The following DENND3 variants were observed in gnomAD, a reference collection of about 807,000 sequenced individuals.
DENND3 encodes the protein DENN domain containing 3.
DENND3 carries 88 observed loss-of-function variants against 135.1 expected under a neutral mutation model. The ratio of observed to expected loss-of-function variants is 0.65; its 90% CI spans 0.55 to 0.78. DENND3 has a LOEUF of 0.78. Among genes scored for constraint, DENND3 ranks in the 30% least tolerant of loss-of-function variants. The pLI, the probability that DENND3 is intolerant of heterozygous loss-of-function variation, is 0.00. For missense variants in DENND3, 1,392 were observed against 1,688.4 expected, an observed-to-expected ratio of 0.82 and a Z score of 3.08; for synonymous variants, 693 against 712.3, an observed-to-expected ratio of 0.97 and a Z score of 0.43.
intron 17 of DENND3, 162 bp from the exon 18 acceptor site, chr8:141,184,977 G>A (rs1390534366): frequency 1.2e-6 from 1 of 849,926 alleles, no homozygotes; most frequent in East Asian, 2.6e-5. Context: ...AGCTCCCAGA[G>A]GGCAGGGAAG....
chr8:141,137,622 G>A lies in DENND3; in HGVS notation c.386-400G>A, dbSNP rs73362424. Among the ~76,000 whole-genome samples, 2,821 of 152,288 alleles carry A rather than the reference G, an allele frequency of 0.019. 82 individuals carry two copies. The highest frequency in any genetic ancestry group is 0.064 in the African/African-American group (2,659 of 41,542). On this transcript the variant is annotated intron_variant, in intron 2 of 22. Coordinates refer to ENST00000519811, the MANE Select transcript of DENND3 (RefSeq NM_001352890.3). The surrounding 1 kb of genome is among the most constrained non-coding windows in gnomAD (Gnocchi z 4.1). ...TTAACAGGTGAGCTTGCATTTTGGG[G>A]CGTTATTTTTCCTGTGGTCTTCAGG...
Position 141,168,443 on chromosome 8 carries a change from C to A in DENND3, c.2193C>A (p.Gly731=), listed in dbSNP as rs376076551. Reference sequence around the variant, plus strand: ...TGCCCAAGAAGCACATGCAGCTGGGCGACTTCATGAAGCGGGTCCAGGAGT... The same window carrying A: ...TGCCCAAGAAGCACATGCAGCTGGGAGACTTCATGAAGCGGGTCCAGGAGT... ...FKLPKKHMQL[G]DFMKRVQESG... The change falls in exon 13 of 23, where the codon GGC becomes GGA. Residue 731 remains glycine, a synonymous_variant. Coordinates refer to ENST00000519811, the MANE Select transcript of DENND3 (RefSeq NM_001352890.3). This position sits in a 1 kb window ranked among gnomAD's most constrained non-coding sequence, Gnocchi z 6.2. 1.2e-6 allele frequency: 2 copies of A among 1,613,776 alleles called. No homozygotes were observed. The highest frequency in any genetic ancestry group is 1.7e-5 in the Admixed American group (1 of 60,016).
intron 1 of DENND3, among the ~76,000 whole-genome samples, chr8:141,133,187 C>T (rs1425090435): frequency 3.3e-5 from 5 of 151,440 alleles, no homozygotes; most frequent in Non-Finnish European, 7.4e-5. Context: ...GGGCCTGAGC[C>T]CATGGAAGAG....
rs761083003 is a variant in DENND3 at position 141,190,309 on chromosome 8, G to A, written c.3271G>A (p.Gly1091Ser). 2.0e-5 allele frequency: 32 copies of A among 1,609,798 alleles called. No homozygotes were observed. Among genetic ancestry groups the A allele is most frequent in the Middle Eastern group, 1.6e-4 (1 of 6,082 alleles). The change falls in exon 20 of 23, where the codon GGC becomes AGC. Residue 1091 changes from glycine (G) to serine (S), a missense_variant. By Grantham distance (56) the Gly-to-Ser change is moderately conservative. Transcript: ENST00000519811. ...PSNVYSCSMD[G>S]MVLVWNVSTL... is the part of the protein sequence containing the mutation. ...CAACGTGTACTCGTGCAGCATGGAC[G>A]GCATGGTGCTGGTGTGGAATGTGAG... is the stretch of plus-strand genomic sequence containing the variant.
intron 20 of DENND3, 161 bp from the exon 21 acceptor site, chr8:141,192,170 T>C: frequency 1.1e-6 from 1 of 901,146 alleles, no homozygotes; most frequent in Non-Finnish European, 1.6e-6. Flanking sequence ...GCTTGCATTT[T>C]TTCCCAGTAG....
rs1342513006 is a variant in DENND3, at chr8:141,175,180, TTTC to T, written c.2276-14_2276-12del. Reference sequence around the variant, plus strand: ...GTATGTGGCTGTAAGATACCTCTCTTTTCTTCTTATCAAACTAAGGACAGGAGA... The same window carrying T: ...GTATGTGGCTGTAAGATACCTCTCTTTTCTTATCAAACTAAGGACAGGAGA... On this transcript the variant is annotated splice_polypyrimidine_tract_variant and intron_variant, in intron 13 of 22. Transcript: ENST00000519811. This position sits in a 1 kb window ranked among gnomAD's most constrained non-coding sequence, Gnocchi z 5.4. The T allele has an allele frequency of 2.5e-6, 4 of 1,605,194 alleles. No individual in the cohort carries two copies. In the African/African-American group the frequency reaches 5.4e-5, roughly 22 times the overall value.
chr8:141,145,838 TATATATATATATG>T (rs1569555477), intron 5 of DENND3, among the ~76,000 whole-genome samples: 10 of 82,252 alleles, frequency 1.2e-4, no homozygotes, highest in African/African-American at 9.1e-4. Context: ...TATATATATA[TATATATATATATG>T]TATTTTTTTT....
rs1184630145 is a variant in DENND3 at position 141,180,834 on chromosome 8, A to G, written c.2924A>G (p.Asp975Gly). The change falls in exon 17 of 23, where the codon GAC (aspartate) becomes GGC (glycine). Residue 975 changes from aspartate to glycine, a missense_variant. By Grantham distance (94) the Asp-to-Gly change is moderately conservative (BLOSUM62 -1). Coordinates refer to ENST00000519811, the MANE Select transcript of DENND3 (RefSeq NM_001352890.3). ...SAGEAFPQAV[D>G]VLLYTPGHLD... ...GGGGAGGCGTTCCCACAAGCGGTGG[A>G]CGTGCTGCTCTACACTCCAGGTAAG... 1 of 1,612,624 alleles carries G rather than the reference A, an allele frequency of 6.2e-7. No individual in the cohort carries two copies. Among genetic ancestry groups the G allele is most frequent in the Non-Finnish European group, 8.5e-7 (1 of 1,179,376 alleles).
At position 141,139,058 on chromosome 8, in the gene DENND3, G is replaced by A. The variant is rs1483118904; in HGVS notation, c.501+921G>A. Reference sequence around the variant, plus strand: ...TTGGGGAACTCGTAGGGGAAACGATGTATCCAAAGGTGCAGGGTGACCTGC... The same window carrying A: ...TTGGGGAACTCGTAGGGGAAACGATATATCCAAAGGTGCAGGGTGACCTGC... On this transcript the variant is annotated intron_variant, in intron 3 of 22. Coordinates refer to ENST00000519811, the MANE Select transcript of DENND3 (RefSeq NM_001352890.3). The surrounding 1 kb of genome is among the most constrained non-coding windows in gnomAD (Gnocchi z 4.2). 6.6e-6 allele frequency among the ~76,000 whole-genome samples: 1 copy of A among 152,292 alleles called. No homozygotes were observed. Among genetic ancestry groups the A allele is most frequent in the East Asian group, 1.9e-4 (1 of 5,176 alleles).
chr8:141,164,335 C>T (rs1018095732), intron 10 of DENND3, among the ~76,000 whole-genome samples: 3 of 152,246 alleles, frequency 2.0e-5, no homozygotes, highest in African/African-American at 7.2e-5. Context: ...AAAATAATCA[C>T]CTTGGGGGCT....
chr8:141,168,514 C>T lies in DENND3; in HGVS notation c.2264C>T (p.Ala755Val), dbSNP rs199546730. 3.7e-6 allele frequency: 6 copies of T among 1,606,428 alleles called. No homozygotes were observed. The highest frequency in any genetic ancestry group is 4.3e-6 in the Non-Finnish European group (5 of 1,174,768). The change falls in exon 13 of 23, where the codon GCC becomes GTC. Residue 755 changes from alanine (A) to valine (V), a missense_variant. Ala to Val is a moderately conservative substitution (Grantham distance 64). Transcript: ENST00000519811. The surrounding 1 kb of genome is among the most constrained non-coding windows in gnomAD (Gnocchi z 6.2). ...DASIIHRLFE[A>V]LTVGQEKQID... The stretch of plus-strand genomic sequence containing the variant: ...AGCATCATACACCGGCTGTTCGAGG[C>T]CTTGACTGTAGGTAAGAGGAGGCCT...
rs1379333217 is a variant in DENND3, at chr8:141,166,221, C to G, written c.1585C>G (p.Pro529Ala). ...TGGAATGCTTCTAAGTCCAAGGAGA[C>G]CGACCGTTGAGAAAAGAGCCTCCCG... ...INGMLLSPRR[P>A]TVEKRASRKS... Residue 529 changes from proline to alanine, a missense_variant, in exon 12 of 23, where the codon CCG becomes GCG. Pro to Ala is a conservative substitution (Grantham distance 27, BLOSUM62 -1). Transcript: ENST00000519811. The surrounding 1 kb of genome is among the most constrained non-coding windows in gnomAD (Gnocchi z 4.3). 6.2e-6 allele frequency: 10 copies of G among 1,614,208 alleles called. No homozygotes were observed. The South Asian group carries it at 1.1e-4, about 18-fold the overall frequency.
intron 13 of DENND3, among the ~76,000 whole-genome samples, chr8:141,169,490 T>A (rs1309297352): frequency 1.3e-5 from 2 of 152,204 alleles, no homozygotes; most frequent in African/African-American, 4.8e-5. Context: ...TGCAGACACA[T>A]GCAAAAGCGG....
At chr8:141,147,020 G>C (rs574737523) in intron 5 of DENND3, among the ~76,000 whole-genome samples, 4 of 152,180 alleles carry the variant, frequency 2.6e-5, no homozygotes, top group African/African-American at 9.7e-5. Flanking sequence ...CACTCCCAGC[G>C]CTGCTCCGGG....
rs11990390 is a variant in DENND3 at position 141,148,671 on chromosome 8, A to G, written c.736-2163A>G. On this transcript the variant is annotated intron_variant, in intron 5 of 22. Coordinates refer to ENST00000519811, the MANE Select transcript of DENND3 (RefSeq NM_001352890.3). Reference sequence around the variant, plus strand: ...TAACAGCCCACTTCAGAGAGTATGAATATTATATGCTGGAAAATCTCTAGC... The same window carrying G: ...TAACAGCCCACTTCAGAGAGTATGAGTATTATATGCTGGAAAATCTCTAGC... Among the ~76,000 whole-genome samples, 1,159 of 152,286 alleles carry G rather than the reference A, an allele frequency of 7.6e-3. 18 individuals carry two copies. Among genetic ancestry groups the G allele is most frequent in the African/African-American group, 0.027 (1,105 of 41,550 alleles).
chr8:141,133,742 C>T (rs182786852), intron 1 of DENND3, among the ~76,000 whole-genome samples: 1 of 152,268 alleles, frequency 6.6e-6, no homozygotes, highest in South Asian at 2.1e-4. Context: ...GGCTGGAGTA[C>T]CAGCTCTGAA....
At position 141,136,507 on chromosome 8, in the gene DENND3, A is replaced by T. The variant is rs1383268988; in HGVS notation, c.103-2A>T. 2 of 1,538,462 alleles carry T rather than the reference A, an allele frequency of 1.3e-6. No individual in the cohort carries two copies. The highest frequency in any genetic ancestry group is 2.0e-5 in the Admixed American group (1 of 49,320). ...AGTAACTCTTATTTTTCCCTTTTTT[A>T]GGTTGCTTATAAAAAGGGAGTCAAA... On this transcript the variant is annotated splice_acceptor_variant, in intron 1 of 22. Transcript: ENST00000519811. LOFTEE classifies it high-confidence loss of function.
At chr8:141,131,028 C>T (rs766318170) in intron 1 of DENND3, among the ~76,000 whole-genome samples, 18 of 152,134 alleles carry the variant, frequency 1.2e-4, no homozygotes, top group Non-Finnish European at 2.6e-4. Context: ...ATCCCCATTT[C>T]TCTGTGGCCC....
At chr8:141,145,805 A>T (rs980558284) in intron 5 of DENND3, among the ~76,000 whole-genome samples, 52 of 5,552 alleles carry the variant, frequency 9.4e-3, no homozygotes, top group Middle Eastern at 0.029. Context: ...ATTGAATATT[A>T]TATATATATA....
Sources: allele counts gnomAD v4.1 joint callset (sites outside exome capture counted in the v4.1 genomes callset), GRCh38; gene constraint gnomAD v4.1.1; non-coding constraint Gnocchi (gnomAD v3.1); transcripts MANE v1.5; gene names NCBI Gene and HGNC (gene_info 2026-07-23, HGNC 2026-07-21).